Variants in ZNF772 observed in about 807,000 individuals in gnomAD.
ZNF772 encodes zinc finger protein 772.
In ZNF772, 8 loss-of-function variants were observed where a neutral mutation model predicts 11.0. The observed-to-expected ratio is 0.73, with a 90% CI of 0.43 to 1.31. The LOEUF is 1.31. Ranked by LOEUF, ZNF772 falls within the 50% of genes most tolerant of loss-of-function variation. The probability of loss-of-function intolerance (pLI) is 0.01; values close to 1 mark genes in which losing one functional copy is unlikely to be tolerated. For missense variants in ZNF772, 496 were observed against 552.3 expected (o/e 0.90, Z 1.02); for synonymous variants, 155 against 180.4 (o/e 0.86, Z 1.13).
chr19:57,474,837 C>T (rs1374534445), intron 3 of ZNF772, among the ~76,000 whole-genome samples: 1 of 152,314 alleles, frequency 6.6e-6, no homozygotes, highest in East Asian at 1.9e-4. Context: ...TGCTGGAAGG[C>T]ACTGTAGAAC....
rs1190867256 is a variant in ZNF772, at chr19:57,472,194, C to T, written c.*1080G>A. On this transcript the variant is annotated 3_prime_UTR_variant, in exon 4 of 4. Coordinates refer to ENST00000356584, the MANE Select transcript of ZNF772 (RefSeq NM_001144068.2). ...TATAGTTTGCTGCAGTTTTCTCATT[C>T]CTTTATTAATCTGGGTTTCTGCACC... is the stretch of plus-strand genomic sequence containing the variant. The T allele has an allele frequency of 6.6e-6, 3 of 455,940 alleles. No homozygotes were observed. The highest frequency in any genetic ancestry group is 3.1e-5 in the South Asian group (2 of 64,512). 28.2% of individuals were successfully genotyped at this position (455,940 alleles called of 1,614,324 possible). A position where few individuals can be genotyped will look rare whatever the true frequency, so the allele number is the denominator to read the frequency against.
rs2089203389 is a variant in ZNF772 at position 57,470,627 on chromosome 19, T to C, written c.*2647A>G. On this transcript the variant is annotated 3_prime_UTR_variant, in exon 4 of 4. Coordinates refer to ENST00000356584, the MANE Select transcript of ZNF772 (RefSeq NM_001144068.2). ...TTCAATAATACCAAGTACTTTAAGA[T>C]CAATAAAATTGTAAAATTGATAAAT... 6.6e-6 allele frequency: 1 copy of C among 152,048 alleles called. No homozygotes were observed. The highest frequency in any genetic ancestry group is 2.1e-4 in the South Asian group (1 of 4,814). 9.4% of individuals were successfully genotyped at this position (152,048 alleles called of 1,614,324 possible).
intron 2 of ZNF772, 32 bp downstream of exon 2, chr19:57,476,602 G>A (rs777846523): frequency 3.1e-6 from 5 of 1,610,098 alleles, no homozygotes; most frequent in Non-Finnish European, 4.3e-6. Context: ...GTGGGGGTGG[G>A]ATCGGTGAGA....
rs1568558475 is a variant in ZNF772, at chr19:57,474,103, GCA to G, written c.516_517del (p.Ala173CysfsTer15). The G allele has an allele frequency of 6.2e-7, 1 of 1,614,154 alleles. No homozygotes were observed. The highest frequency in any genetic ancestry group is 1.1e-5 in the South Asian group (1 of 91,084). On this transcript the variant is annotated frameshift_variant, in exon 4 of 4. Transcript: ENST00000356584. LOFTEE classifies it low-confidence loss of function (END_TRUNC). ...AAAAGACATCTCCATTGATTGCACA[GCA>G]CAGTTGTTCAGAAGAAAGGGCCTGC...
Position 57,475,907 on chromosome 19 carries a change from A to G in ZNF772, c.73-121T>C. Reference sequence around the variant, plus strand: ...CTAACTCCTCAACTCAGGAAATATCAGGACCAGATGTCATTGGTGTCTTCT... The same window carrying G: ...CTAACTCCTCAACTCAGGAAATATCGGGACCAGATGTCATTGGTGTCTTCT... On this transcript the variant is annotated intron_variant, in intron 2 of 3. Transcript: ENST00000356584. This position sits in a 1 kb window ranked among gnomAD's most constrained non-coding sequence, Gnocchi z 4.2. 3 of 1,371,684 alleles carry G rather than the reference A, an allele frequency of 2.2e-6. No homozygotes were observed. The South Asian group carries it at 4.2e-5, about 19-fold the overall frequency. 85.0% of individuals were successfully genotyped at this position (1,371,684 alleles called of 1,614,324 possible).
At position 57,473,366 on chromosome 19, in the gene ZNF772, T is replaced by C. The variant is rs1024973438; in HGVS notation, c.1255A>G (p.Arg419Gly). 6.2e-7 allele frequency: 1 copy of C among 1,614,250 alleles called. No individual in the cohort carries two copies. Among genetic ancestry groups the C allele is most frequent in the Admixed American group, 1.7e-5 (1 of 60,030 alleles). Residue 419 changes from arginine to glycine, a missense_variant, in exon 4 of 4, where the codon AGG becomes GGG. Arg to Gly is a moderately radical substitution (Grantham distance 125). Transcript: ENST00000356584. ...VQHHRIHTGE[R>G]PYKCSECGKA... ...CCACATTCACTGCACTTATATGGCC[T>C]TTCTCCAGTGTGAATTCTATGATGC...
chr19:57,474,699 G>T (rs1020472233), intron 3 of ZNF772, among the ~76,000 whole-genome samples: 4 of 152,250 alleles, frequency 2.6e-5, no homozygotes, highest in Admixed American at 2.6e-4. Flanking sequence ...TTTCTTGGCT[G>T]CTGGGGACAG....
Position 57,477,340 on chromosome 19 carries a change from A to C in ZNF772, c.-31T>G. The C allele has an allele frequency of 1.2e-6, 2 of 1,612,776 alleles. No homozygotes were observed. Among genetic ancestry groups the C allele is most frequent in the South Asian group, 2.2e-5 (2 of 90,748 alleles). ...CTGTGGACTACGGAAGGGTGGCGACAAGTGCAGGAACCTGGGATCAGCTGT... is the reference window on the plus strand; with the variant it reads ...CTGTGGACTACGGAAGGGTGGCGACCAGTGCAGGAACCTGGGATCAGCTGT... On this transcript the variant is annotated 5_prime_UTR_variant, in exon 1 of 4. Transcript: ENST00000356584.
Position 57,472,264 on chromosome 19 carries a change from ACTGCCTACTG to A in ZNF772, c.*1000_*1009del. 2.3e-6 allele frequency: 1 copy of A among 436,832 alleles called. No homozygotes were observed. Among genetic ancestry groups the A allele is most frequent in the Admixed American group, 2.6e-5 (1 of 38,394 alleles). The allele number at this position is 436,832 out of a possible 1,614,324, so 27.1% of individuals were successfully genotyped here. A position where few individuals can be genotyped will look rare whatever the true frequency, so the allele number is the denominator to read the frequency against. On this transcript the variant is annotated 3_prime_UTR_variant, in exon 4 of 4. Coordinates refer to ENST00000356584, the MANE Select transcript of ZNF772 (RefSeq NM_001144068.2). ...GCCTTCTGGAGGACAGCCAATATCA[ACTGCCTACTG>A]AAAAATAGACTTCAGAGATCTTGAC...
At position 57,473,297 on chromosome 19, in the gene ZNF772, T is replaced by C; in HGVS notation, c.1324A>G (p.Ile442Val). 2 of 1,612,854 alleles carry C rather than the reference T, an allele frequency of 1.2e-6. No homozygotes were observed. The highest frequency in any genetic ancestry group is 1.7e-6 in the Non-Finnish European group (2 of 1,179,044). ...TCCTAAGGCCTTTCTCCAGTGTGAA[T>C]TTTCCAGTGGCGGATGAGGGAAGCC... is the stretch of plus-strand genomic sequence containing the variant. ...QRASLIRHWK[I>V]HTGERP Residue 442 changes from isoleucine to valine, a missense_variant, in exon 4 of 4, where the codon ATT (isoleucine) becomes GTT (valine). By Grantham distance (29) the Ile-to-Val change is conservative. Transcript: ENST00000356584.
intron 1 of ZNF772, 46 bp from the exon 2 acceptor site, chr19:57,476,718 ACC>A: frequency 6.6e-7 from 1 of 1,515,592 alleles, no homozygotes; most frequent in Non-Finnish European, 8.9e-7. Flanking sequence ...TCTTGAAGGA[ACC>A]CCAAAGGCTC....
chr19:57,474,266 C>T lies in ZNF772; in HGVS notation c.355G>A (p.Ala119Thr), dbSNP rs763680898. 8 of 1,614,078 alleles carry T rather than the reference C, an allele frequency of 5.0e-6. No individual in the cohort carries two copies. The highest frequency in any genetic ancestry group is 5.9e-6 in the Non-Finnish European group (7 of 1,180,052). Residue 119 changes from alanine to threonine, a missense_variant, in exon 4 of 4, where the codon GCT becomes ACT. Transcript: ENST00000356584. Reference sequence around the variant, plus strand: ...CCTGGGTGTGTTTCCTGGTGCTCAGCCAAGTGCAAAATGTCTTTTAAGACC... The same window carrying T: ...CCTGGGTGTGTTTCCTGGTGCTCAGTCAAGTGCAAAATGTCTTTTAAGACC... Reference protein sequence around the residue: ...GLVLKDILHLAEHQETHPGQK... With the variant: ...GLVLKDILHLTEHQETHPGQK...
intron 3 of ZNF772, among the ~76,000 whole-genome samples, chr19:57,474,854 T>C (rs756898635): frequency 2.0e-5 from 3 of 152,174 alleles, no homozygotes; most frequent in Non-Finnish European, 2.9e-5. Flanking sequence ...GAACAAGCCA[T>C]GGAGAGGAAC....
chr19:57,477,149 CA>C, intron 1 of ZNF772, 127 bp downstream of exon 1: 1 of 1,310,016 alleles, frequency 7.6e-7, no homozygotes, highest in Non-Finnish European at 1.1e-6. Flanking sequence ...AAATGGGTCC[CA>C]AACACGAGCG....
rs896743174 is a variant in ZNF772, at chr19:57,471,810, A to G, written c.*1464T>C. 1.6e-5 allele frequency: 3 copies of G among 191,822 alleles called. No homozygotes were observed. In the East Asian group the frequency reaches 4.8e-4, roughly 31 times the overall value. 11.9% of individuals were successfully genotyped at this position (191,822 alleles called of 1,614,324 possible). ...ACCATGAGCCTTAATTTCAGAGTTT[A>G]AGAAGCCAAAAACATTAGAATACAT... On this transcript the variant is annotated 3_prime_UTR_variant, in exon 4 of 4. Transcript: ENST00000356584.
In ZNF772 at chr19:57,474,191, C is replaced by A; in HGVS notation, c.430G>T (p.Ala144Ser). ...TGCTTCTGGTGCTGGTGAAGGTTTGCACTGAAGCAGAACTGTTTCCCACAC... is the reference window on the plus strand; with the variant it reads ...TGCTTCTGGTGCTGGTGAAGGTTTGAACTGAAGCAGAACTGTTTCCCACAC... ...VLCGKQFCFSANLHQHQKQHS... is the reference protein window; with the variant it reads ...VLCGKQFCFSSNLHQHQKQHS... The change falls in exon 4 of 4, where the codon GCA (alanine) becomes TCA (serine). Residue 144 changes from alanine to serine, a missense_variant. Coordinates refer to ENST00000356584, the MANE Select transcript of ZNF772 (RefSeq NM_001144068.2). The A allele has an allele frequency of 6.2e-7, 1 of 1,614,148 alleles. No homozygotes were observed.
At position 57,475,437 on chromosome 19, in the gene ZNF772, G is replaced by T. The variant is rs2089271466; in HGVS notation, c.199+223C>A. Among the ~76,000 whole-genome samples, 1 of 152,238 alleles carries T rather than the reference G, an allele frequency of 6.6e-6. No individual in the cohort carries two copies. The highest frequency in any genetic ancestry group is 1.5e-5 in the Non-Finnish European group (1 of 68,044). ...GCTGACAATACAATGCATAACTCCT[G>T]AATCCATGCCTGCAAGGCTCTGAGA... is the stretch of plus-strand genomic sequence containing the variant. On this transcript the variant is annotated intron_variant, in intron 3 of 3. Transcript: ENST00000356584. This position sits in a 1 kb window ranked among gnomAD's most constrained non-coding sequence, Gnocchi z 4.2.
intron 3 of ZNF772, 52 bp from the exon 4 acceptor site, chr19:57,474,473 G>A: frequency 6.5e-7 from 1 of 1,547,452 alleles, no homozygotes; most frequent in Non-Finnish European, 8.7e-7. Flanking sequence ...GTGGAAGAGG[G>A]GAAGCCTCAC....
intron 3 of ZNF772, chr19:57,474,911 C>G (rs2089264645): frequency 2.0e-6 from 3 of 1,486,618 alleles, no homozygotes; most frequent in Admixed American, 3.8e-5. Context: ...AGGCCAAAGG[C>G]CAGAGTATGA....
Sources: allele counts gnomAD v4.1 joint callset (sites outside exome capture counted in the v4.1 genomes callset), GRCh38; gene constraint gnomAD v4.1.1; non-coding constraint Gnocchi (gnomAD v3.1); transcripts MANE v1.5; gene names NCBI Gene and HGNC (gene_info 2026-07-23, HGNC 2026-07-21).